The following GRIA4 variants were observed in gnomAD, a reference collection of about 807,000 sequenced individuals.
GRIA4 encodes the protein glutamate ionotropic receptor AMPA type subunit 4.
In GRIA4, 34 loss-of-function variants were observed where a neutral mutation model predicts 104.0. The ratio of observed to expected loss-of-function variants is 0.33; its 90% CI spans 0.25 to 0.44. GRIA4 has a LOEUF of 0.44. Ranked by LOEUF, GRIA4 falls within the 20% of genes least tolerant of loss-of-function variation. The pLI is 1.00. For missense variants in GRIA4, 750 were observed against 1,096.5 expected, an observed-to-expected ratio of 0.68 and a Z score of 4.46; for synonymous variants, 386 against 381.9, an observed-to-expected ratio of 1.01 and a Z score of -0.13.
intron 3 of GRIA4, among the ~76,000 whole-genome samples, chr11:105,619,087 A>T (rs1950674360): frequency 6.9e-6 from 1 of 144,988 alleles, no homozygotes; most frequent in South Asian, 2.2e-4. Flanking sequence ...AAAAAAAAAA[A>T]GCAACCCCAT....
intron 4 of GRIA4, among the ~76,000 whole-genome samples, chr11:105,802,357 C>T (rs758244762): frequency 6.6e-6 from 1 of 152,032 alleles, no homozygotes; most frequent in Non-Finnish European, 1.5e-5. Context: ...GATTTAAAAC[C>T]ATCAGAAATA....
chr11:105,822,045 T>A (rs1348974370), intron 4 of GRIA4, among the ~76,000 whole-genome samples: 1 of 152,150 alleles, frequency 6.6e-6, no homozygotes, highest in Non-Finnish European at 1.5e-5. Context: ...GAGATGCTAA[T>A]ACCTAAAGCA....
At chr11:105,719,731 AG>A (rs1937656106) in intron 3 of GRIA4, among the ~76,000 whole-genome samples, 2 of 151,982 alleles carry the variant, frequency 1.3e-5, no homozygotes, top group Non-Finnish European at 2.9e-5. Flanking sequence ...TTTCTTTACC[AG>A]TGACTCAGAT....
At chr11:105,652,032 A>G (rs917816057) in intron 3 of GRIA4, among the ~76,000 whole-genome samples, 11 of 152,172 alleles carry the variant, frequency 7.2e-5, no homozygotes, top group Non-Finnish European at 1.3e-4. Flanking sequence ...TTTTACACTT[A>G]TCAGGCATAA....
chr11:105,956,918 G>A (rs1167692956), intron 14 of GRIA4, among the ~76,000 whole-genome samples: 3 of 151,384 alleles, frequency 2.0e-5, no homozygotes, highest in Non-Finnish European at 4.4e-5. Context: ...TTTGAGAAGT[G>A]TCTGTTCATA....
intron 4 of GRIA4, among the ~76,000 whole-genome samples, chr11:105,791,790 T>C (rs1197601921): frequency 6.6e-6 from 1 of 152,168 alleles, no homozygotes; most frequent in East Asian, 1.9e-4. Context: ...TGAATGTCCA[T>C]TTGAAGTTAA....
chr11:105,732,132 A>C (rs1180550908), intron 3 of GRIA4, among the ~76,000 whole-genome samples: 1 of 152,214 alleles, frequency 6.6e-6, no homozygotes, highest in East Asian at 1.9e-4. Flanking sequence ...CTGAGGAAGC[A>C]TGAACAATAA....
intron 11 of GRIA4, among the ~76,000 whole-genome samples, chr11:105,921,887 T>C (rs151192151): frequency 4.3e-4 from 66 of 152,212 alleles, no homozygotes; most frequent in Non-Finnish European, 7.9e-4. Context: ...AGGAGAATTA[T>C]AGATACTAGA....
At chr11:105,912,943 C>T (rs1456461630) in intron 10 of GRIA4, 1 of 977,014 alleles carries the variant, frequency 1.0e-6, no homozygotes, top group Non-Finnish European at 1.2e-6. Context: ...ATACCTATAT[C>T]TAGATATAGA....
At chr11:105,851,872 G>A (rs1468436573) in intron 4 of GRIA4, among the ~76,000 whole-genome samples, 2 of 152,026 alleles carry the variant, frequency 1.3e-5, no homozygotes, top group East Asian at 1.9e-4. Context: ...ATGTATTTGT[G>A]TATTACTTCT....
chr11:105,762,149 G>A (rs768418239), intron 4 of GRIA4, among the ~76,000 whole-genome samples: 14 of 151,574 alleles, frequency 9.2e-5, no homozygotes, highest in African/African-American at 1.2e-4. Context: ...TCGGCCTCCC[G>A]AGAAGCTGGG....
chr11:105,760,742 T>C (rs1565524956), intron 4 of GRIA4, among the ~76,000 whole-genome samples: 1 of 152,102 alleles, frequency 6.6e-6, no homozygotes, highest in African/African-American at 2.4e-5. Flanking sequence ...TTTTCACTTC[T>C]CTTTCTATCA....
intron 4 of GRIA4, among the ~76,000 whole-genome samples, chr11:105,778,721 C>T (rs180965543): frequency 5.9e-5 from 9 of 151,918 alleles, no homozygotes; most frequent in African/African-American, 2.2e-4. Context: ...AAACAAAACA[C>T]CAACTAAGCA....
intron 4 of GRIA4, among the ~76,000 whole-genome samples, chr11:105,855,501 G>C (rs934111798): frequency 3.9e-5 from 6 of 151,908 alleles, no homozygotes; most frequent in African/African-American, 1.5e-4. Context: ...AAAATATATA[G>C]TAAAACAGAT....
chr11:105,978,680 T>C (rs1428708281), intron 16 of GRIA4, among the ~76,000 whole-genome samples: 1 of 152,198 alleles, frequency 6.6e-6, no homozygotes. Context: ...TTGTGAGTTA[T>C]GAACTAAGTC....
chr11:105,831,363 G>T (rs561514629), intron 4 of GRIA4, among the ~76,000 whole-genome samples: 73 of 152,076 alleles, frequency 4.8e-4, no homozygotes, highest in African/African-American at 1.7e-3. Flanking sequence ...CCATGTCATT[G>T]GTCAAGACTA....
At chr11:105,879,968 C>T (rs1945987624) in intron 5 of GRIA4, among the ~76,000 whole-genome samples, 1 of 152,154 alleles carries the variant, frequency 6.6e-6, no homozygotes, top group Non-Finnish European at 1.5e-5. Flanking sequence ...GGAGTTCCAG[C>T]TTCATCACTT....
chr11:105,797,339 T>C (rs1357846002), intron 4 of GRIA4, among the ~76,000 whole-genome samples: 1 of 152,212 alleles, frequency 6.6e-6, no homozygotes, highest in African/African-American at 2.4e-5. Flanking sequence ...TTAAGGTTTA[T>C]GAGTAATGTA....
chr11:105,649,234 G>T (rs1942979), intron 3 of GRIA4, among the ~76,000 whole-genome samples: 78,582 of 151,846 alleles, frequency 0.52, 20,602 homozygotes, highest in Admixed American at 0.61. Flanking sequence ...TATTATAATA[G>T]ATCAGAGAGT....
Sources: allele counts gnomAD v4.1 joint callset (sites outside exome capture counted in the v4.1 genomes callset), GRCh38; gene constraint gnomAD v4.1.1; transcripts MANE v1.5; gene names NCBI Gene and HGNC (gene_info 2026-07-23, HGNC 2026-07-21).